Variants in CCDC39 observed in about 807,000 individuals in gnomAD.
CCDC39 encodes coiled-coil domain 39 molecular ruler complex subunit, also known as coiled-coil domain-containing protein 39.
In CCDC39, 113 loss-of-function variants were observed where a neutral mutation model predicts 121.0. The ratio of observed to expected loss-of-function variants is 0.93; its 90% CI spans 0.80 to 1.09. CCDC39 has a LOEUF of 1.09. Ranked by LOEUF, CCDC39 falls within the 50% of genes least tolerant of loss-of-function variation. CCDC39 has a pLI of 0.00. For synonymous variants in CCDC39, 349 were observed against 352.2 expected (o/e 0.99, Z 0.10); for missense variants, 1,063 against 1,074.7 (o/e 0.99, Z 0.15).
chr3:180,659,710 A>G lies in CCDC39; in HGVS notation c.576T>C (p.Leu192=). Residue 192 remains leucine, a synonymous_variant, in exon 5 of 20, where the codon CTT becomes CTC. Transcript: ENST00000476379. ...TLECNQKRKI[L]DNELTETISA... ...TTATAGTCTCTGTAAGTTCGTTGTC[A>G]AGTATCTTTCTTTTCTGATTACATT... The G allele has an allele frequency of 6.2e-7, 1 of 1,612,428 alleles. No individual in the cohort carries two copies. Among genetic ancestry groups the G allele is most frequent in the South Asian group, 1.1e-5 (1 of 90,796 alleles).
At position 180,667,552 on chromosome 3, in the gene CCDC39, T is replaced by G. The variant is rs142225571; in HGVS notation, c.91-3566A>C. On this transcript the variant is annotated intron_variant, in intron 1 of 19. Transcript: ENST00000476379. The stretch of plus-strand genomic sequence containing the variant: ...TGAGCGTCGATGTTACTATTGTGAT[T>G]GTTTTGGGGTGCCACAAACCGTGCC... 4.6e-5 allele frequency among the ~76,000 whole-genome samples: 7 copies of G among 152,284 alleles called. No homozygotes were observed. The East Asian group carries it at 1.4e-3, about 29-fold the overall frequency.
chr3:180,657,508 A>C (rs1304344360), intron 6 of CCDC39, among the ~76,000 whole-genome samples: 2 of 152,186 alleles, frequency 1.3e-5, no homozygotes, highest in African/African-American at 4.8e-5. Context: ...AGAATTTTAC[A>C]TTATCAAGCC....
chr3:180,666,253 C>T (rs1474708770), intron 1 of CCDC39, among the ~76,000 whole-genome samples: 2 of 152,138 alleles, frequency 1.3e-5, no homozygotes, highest in African/African-American at 2.4e-5. Flanking sequence ...ATTCACTTAG[C>T]ATAATGCTTT....
At position 180,659,541 on chromosome 3, in the gene CCDC39, G is replaced by T; in HGVS notation, c.649C>A (p.His217Asn). ...TTAATGAGTTCTTGTCTTTCATTAT[G>T]AATCTTACGAAAATCTTGTGCTGCT... ...DKAAQDFRKI[H>N]NERQELIKQW... Residue 217 changes from histidine (H) to asparagine (N), a missense_variant, in exon 6 of 20, where the codon CAT becomes AAT. Transcript: ENST00000476379. 1 of 1,613,056 alleles carries T rather than the reference G, an allele frequency of 6.2e-7. No individual in the cohort carries two copies. Among genetic ancestry groups the T allele is most frequent in the South Asian group, 1.1e-5 (1 of 90,946 alleles).
intron 1 of CCDC39, among the ~76,000 whole-genome samples, chr3:180,675,088 T>G (rs975914273): frequency 6.6e-6 from 1 of 152,202 alleles, no homozygotes; most frequent in Non-Finnish European, 1.5e-5. Flanking sequence ...TGGTAAAATT[T>G]GGCTGTGAAT....
rs759211631 is a variant in CCDC39, at chr3:180,654,957, GGATT to G, written c.739-8_739-5del. On this transcript the variant is annotated splice_region_variant and splice_polypyrimidine_tract_variant and intron_variant, in intron 6 of 19. Coordinates refer to ENST00000476379, the MANE Select transcript of CCDC39 (RefSeq NM_181426.2). ...CCTGCTTTATCCTTGCTAATTCCTA[GGATT>G]AAAACAAATATGTTTACTTAAATAT... The G allele has an allele frequency of 6.7e-7, 1 of 1,494,896 alleles. No individual in the cohort carries two copies. Among genetic ancestry groups the G allele is most frequent in the Non-Finnish European group, 8.9e-7 (1 of 1,122,944 alleles). The allele number at this position is 1,494,896 out of a possible 1,614,324, so 92.6% of individuals were successfully genotyped here. A position where few individuals can be genotyped will look rare whatever the true frequency, so the allele number is the denominator to read the frequency against.
intron 13 of CCDC39, among the ~76,000 whole-genome samples, chr3:180,634,824 C>A (rs1471504059): frequency 1.3e-5 from 2 of 152,154 alleles, no homozygotes; most frequent in African/African-American, 4.8e-5. Flanking sequence ...CTAACATATA[C>A]CCCTGTGAAA....
At chr3:180,617,411 A>G in intron 16 of CCDC39, 1 of 662,296 alleles carries the variant, frequency 1.5e-6, no homozygotes. Flanking sequence ...AGTTAACTAT[A>G]AAACAGCCTC....
chr3:180,640,342 G>T (rs1560086325), intron 13 of CCDC39, among the ~76,000 whole-genome samples: 2 of 151,592 alleles, frequency 1.3e-5, no homozygotes, highest in South Asian at 2.1e-4. Context: ...TACTTAGAGG[G>T]TTTTTTTTAC....
chr3:180,625,822 G>C (rs1717545821), intron 14 of CCDC39, among the ~76,000 whole-genome samples: 1 of 151,778 alleles, frequency 6.6e-6, no homozygotes, highest in Non-Finnish European at 1.5e-5. Flanking sequence ...GTTTTGCTGG[G>C]GTCTAGGATG....
At chr3:180,628,521 C>G (rs1341769215) in intron 14 of CCDC39, among the ~76,000 whole-genome samples, 1 of 152,144 alleles carries the variant, frequency 6.6e-6, no homozygotes, top group African/African-American at 2.4e-5. Flanking sequence ...ACATATATTT[C>G]TGTTGTTTAA....
intron 16 of CCDC39, among the ~76,000 whole-genome samples, chr3:180,618,139 G>T (rs969689012): frequency 4.6e-5 from 7 of 152,166 alleles, no homozygotes; most frequent in Middle Eastern, 3.4e-3. Flanking sequence ...TACCATCTAG[G>T]TTTGTGTAAG....
intron 19 of CCDC39, 114 bp downstream of exon 19, chr3:180,616,167 A>C: frequency 2.5e-6 from 2 of 802,476 alleles, no homozygotes; most frequent in Non-Finnish European, 4.3e-6. Flanking sequence ...TGAAAAGAAC[A>C]CTGGCAGTGA....
rs1445585607 is a variant in CCDC39 at position 180,663,989 on chromosome 3, G to C, written c.91-3C>G. On this transcript the variant is annotated splice_region_variant and splice_polypyrimidine_tract_variant and intron_variant, in intron 1 of 19. Coordinates refer to ENST00000476379, the MANE Select transcript of CCDC39 (RefSeq NM_181426.2). ...CTTTCATCCTTCAGCTTTGACAACTGTAAATAATAAATACTATGATTAACC... is the reference window on the plus strand; with the variant it reads ...CTTTCATCCTTCAGCTTTGACAACTCTAAATAATAAATACTATGATTAACC... The C allele has an allele frequency of 6.2e-7, 1 of 1,608,874 alleles. No individual in the cohort carries two copies. Among genetic ancestry groups the C allele is most frequent in the African/African-American group, 1.3e-5 (1 of 74,846 alleles).
At chr3:180,634,260 T>C (rs149454708) in intron 13 of CCDC39, among the ~76,000 whole-genome samples, 2,598 of 150,004 alleles carry the variant, frequency 0.017, 36 homozygotes, top group Non-Finnish European at 0.026. Context: ...TCTGCAGTGG[T>C]ACTACCCCAG....
rs1204428535 is a variant in CCDC39, at chr3:180,652,282, C to T, written c.931-16G>A. Reference sequence around the variant, plus strand: ...AAGAATCCAGCTATTTATTAGTTAACAGACAGAAATTATATATTTACTCTG... The same window carrying T: ...AAGAATCCAGCTATTTATTAGTTAATAGACAGAAATTATATATTTACTCTG... On this transcript the variant is annotated splice_polypyrimidine_tract_variant and intron_variant, in intron 7 of 19. Transcript: ENST00000476379. The T allele has an allele frequency of 9.5e-6, 13 of 1,366,686 alleles. No individual in the cohort carries two copies. The highest frequency in any genetic ancestry group is 2.4e-5 in the Admixed American group (1 of 41,412). 84.7% of individuals were successfully genotyped at this position (1,366,686 alleles called of 1,614,324 possible).
intron 1 of CCDC39, among the ~76,000 whole-genome samples, chr3:180,675,056 T>G (rs1712154209): frequency 6.6e-6 from 1 of 152,232 alleles, no homozygotes; most frequent in Non-Finnish European, 1.5e-5. Context: ...GAAGGAATGG[T>G]ACCAGCTCCT....
At chr3:180,658,597 A>C (rs149091292) in intron 6 of CCDC39, among the ~76,000 whole-genome samples, 1,839 of 135,380 alleles carry the variant, frequency 0.014, 19 homozygotes, top group African/African-American at 0.041. Context: ...ACTCCGTCTC[A>C]AAAAAAAAAA....
At chr3:180,636,909 T>C (rs1285812005) in intron 13 of CCDC39, among the ~76,000 whole-genome samples, 6 of 152,086 alleles carry the variant, frequency 3.9e-5, no homozygotes, top group African/African-American at 1.4e-4. Flanking sequence ...CCCTTTCTTA[T>C]ACCACATATA....
Sources: gnomAD v4.1 joint callset for allele counts (sites outside exome capture counted in the v4.1 genomes callset) on GRCh38, gnomAD v4.1.1 for gene constraint, MANE v1.5 for transcripts, NCBI Gene and HGNC (gene_info 2026-07-23, HGNC 2026-07-21) for gene names.